MTUS2: variants seen among roughly 807,000 people sequenced by gnomAD.
MTUS2 encodes microtubule associated scaffold protein 2.
In MTUS2, 40 loss-of-function variants were observed where a neutral mutation model predicts 114.1. That is an observed-to-expected ratio of 0.35 (90% CI 0.27 to 0.46). MTUS2 has a LOEUF of 0.46. Among genes scored for constraint, MTUS2 ranks in the 20% least tolerant of loss-of-function variants. The probability of loss-of-function intolerance (pLI) is 1.00; values close to 1 mark genes in which losing one functional copy is unlikely to be tolerated. For synonymous variants in MTUS2, 688 were observed against 672.0 expected, an observed-to-expected ratio of 1.02 and a Z score of -0.37; for missense variants, 1,679 against 1,705.4, an observed-to-expected ratio of 0.98 and a Z score of 0.27.
chr13:29,262,100 G>T (rs1479462279), intron 5 of MTUS2, among the ~76,000 whole-genome samples: 2 of 152,226 alleles, frequency 1.3e-5, no homozygotes, highest in Non-Finnish European at 2.9e-5. Flanking sequence ...GAAGTCCTGG[G>T]CTGGCTGATG....
At chr13:29,471,743 C>CCCA (rs1555283291) in intron 9 of MTUS2, among the ~76,000 whole-genome samples, 1 of 105,784 alleles carries the variant, frequency 9.5e-6, no homozygotes, top group African/African-American at 3.7e-5. Context: ...GCAGGCCCAG[C>CCCA]CCCCCCCGAC....
chr13:29,189,511 G>A (rs1271917256), intron 5 of MTUS2, among the ~76,000 whole-genome samples: 1 of 151,082 alleles, frequency 6.6e-6, no homozygotes, highest in African/African-American at 2.4e-5. Context: ...TAAAACTAAT[G>A]TTCTCTAGCT....
In MTUS2 at chr13:29,505,561, T is replaced by C. The variant is rs796708936; in HGVS notation, c.*2355T>C. ...TGGGGCGGCAGCTGCTGTGCCTCCT[T>C]CTCAATTCTTCCACCCCCCCACACC... On this transcript the variant is annotated 3_prime_UTR_variant, in exon 16 of 16. Coordinates refer to ENST00000612955, the MANE Select transcript of MTUS2 (RefSeq NM_001033602.4). The C allele has an allele frequency of 3.9e-5, 9 of 231,196 alleles. No homozygotes were observed. The highest frequency in any genetic ancestry group is 1.3e-4 in the African/African-American group (6 of 45,308). 14.3% of individuals were successfully genotyped at this position (231,196 alleles called of 1,614,324 possible).
At chr13:29,191,429 A>G (rs984048486) in intron 5 of MTUS2, among the ~76,000 whole-genome samples, 21 of 152,262 alleles carry the variant, frequency 1.4e-4, no homozygotes, top group African/African-American at 4.6e-4. Context: ...AGCAGACCCC[A>G]GAGCTTGTCT....
At chr13:29,252,667 T>C (rs1897162177) in intron 5 of MTUS2, among the ~76,000 whole-genome samples, 1 of 152,092 alleles carries the variant, frequency 6.6e-6, no homozygotes, top group Non-Finnish European at 1.5e-5. Flanking sequence ...TAGGAAATAA[T>C]TGAACCATGG....
intron 4 of MTUS2, among the ~76,000 whole-genome samples, chr13:29,096,784 C>T (rs1477525930): frequency 6.6e-6 from 1 of 152,138 alleles, no homozygotes; most frequent in African/African-American, 2.4e-5. Context: ...ATTGACACTC[C>T]TGGTTTATAA....
At chr13:28,891,339 G>A (rs1257720770) in intron 2 of MTUS2, among the ~76,000 whole-genome samples, 1 of 152,158 alleles carries the variant, frequency 6.6e-6, no homozygotes, top group African/African-American at 2.4e-5. Flanking sequence ...TCTTGAAAGG[G>A]AACTGGGTGG....
chr13:29,194,141 C>A (rs1371500238), intron 5 of MTUS2, among the ~76,000 whole-genome samples: 1 of 150,970 alleles, frequency 6.6e-6, no homozygotes, highest in Non-Finnish European at 1.5e-5. Context: ...CATAAAAACC[C>A]TAGAAGAAAA....
chr13:29,476,627 C>T (rs942147354), intron 9 of MTUS2: 3 of 152,186 alleles, frequency 2.0e-5, no homozygotes, highest in African/African-American at 4.8e-5. Context: ...ACTGTCACCA[C>T]AATCCGTTTT....
intron 2 of MTUS2, among the ~76,000 whole-genome samples, chr13:28,998,734 A>G (rs1885238307): frequency 6.6e-6 from 1 of 152,184 alleles, no homozygotes; most frequent in Non-Finnish European, 1.5e-5. Context: ...CATAGTTTTC[A>G]GGTCCATCAC....
intron 8 of MTUS2, among the ~76,000 whole-genome samples, chr13:29,369,497 C>G (rs4769013): frequency 0.45 from 68,765 of 152,176 alleles, 18,569 homozygotes; most frequent in East Asian, 0.66. Flanking sequence ...AAATTAAGAA[C>G]ACACAGCTCA....
chr13:29,400,175 C>T (rs1421251438), intron 8 of MTUS2, among the ~76,000 whole-genome samples: 2 of 152,134 alleles, frequency 1.3e-5, no homozygotes, highest in Non-Finnish European at 2.9e-5. Context: ...AAGATTTACC[C>T]ACCCACACAC....
chr13:29,379,750 A>T (rs1333937777), intron 8 of MTUS2, among the ~76,000 whole-genome samples: 1 of 152,232 alleles, frequency 6.6e-6, no homozygotes, highest in African/African-American at 2.4e-5. Flanking sequence ...TGGCTGGCTT[A>T]TGTAAGCCTG....
chr13:29,027,936 G>A (rs1886637456), intron 3 of MTUS2, among the ~76,000 whole-genome samples: 1 of 152,210 alleles, frequency 6.6e-6, no homozygotes, highest in Admixed American at 6.5e-5. Flanking sequence ...TCTCACTCAG[G>A]CCTGTGCAGT....
intron 5 of MTUS2, among the ~76,000 whole-genome samples, chr13:29,122,352 G>C (rs1891344366): frequency 6.6e-6 from 1 of 152,178 alleles, no homozygotes; most frequent in Non-Finnish European, 1.5e-5. Flanking sequence ...GTTCCACGTG[G>C]CTGGAGAGGC....
chr13:29,010,947 G>A (rs1470307557), intron 2 of MTUS2, among the ~76,000 whole-genome samples: 1 of 152,096 alleles, frequency 6.6e-6, no homozygotes, highest in East Asian at 1.9e-4. Flanking sequence ...GGAGTCAGGA[G>A]CCTCCCTGGA....
intron 5 of MTUS2, among the ~76,000 whole-genome samples, chr13:29,163,773 C>T (rs1893198657): frequency 6.6e-6 from 1 of 152,146 alleles, no homozygotes; most frequent in Non-Finnish European, 1.5e-5. Flanking sequence ...CTCATCCATC[C>T]TGAGTGACAT....
chr13:29,078,670 TA>T (rs1889305046), intron 4 of MTUS2, among the ~76,000 whole-genome samples: 1 of 152,182 alleles, frequency 6.6e-6, no homozygotes, highest in African/African-American at 2.4e-5. Context: ...GGGAAACCAT[TA>T]AGCCATTTTG....
chr13:29,179,269 A>G (rs1893899327), intron 5 of MTUS2, among the ~76,000 whole-genome samples: 1 of 152,238 alleles, frequency 6.6e-6, no homozygotes, highest in South Asian at 2.1e-4. Flanking sequence ...TCTTCCAAAA[A>G]ATATCTCTGC....
Sources: gnomAD v4.1 joint callset for allele counts (sites outside exome capture counted in the v4.1 genomes callset) on GRCh38, gnomAD v4.1.1 for gene constraint, MANE v1.5 for transcripts, NCBI Gene and HGNC (gene_info 2026-07-23, HGNC 2026-07-21) for gene names.